The following ZSCAN18 variants were observed in gnomAD, a reference collection of about 807,000 sequenced individuals.
The protein encoded by ZSCAN18 is zinc finger and SCAN domain containing 18.
ZSCAN18 carries 16 observed loss-of-function variants against 31.1 expected under a neutral mutation model. The ratio of observed to expected loss-of-function variants is 0.51; its 90% CI spans 0.35 to 0.78. The LOEUF (loss-of-function observed/expected upper bound fraction) is 0.78. ZSCAN18 is among the 30% of genes least tolerant of loss of function. The pLI, the probability that ZSCAN18 is intolerant of heterozygous loss-of-function variation, is 0.01. For missense variants in ZSCAN18, 731 were observed against 697.4 expected (o/e 1.05, Z -0.54); for synonymous variants, 375 against 320.7 (o/e 1.17, Z -1.81).
At chr19:58,099,964 G>GTTTTTTTTTT (rs55769261), upstream of ZSCAN18, among the ~76,000 whole-genome samples, 3 of 136,114 alleles carry the variant, frequency 2.2e-5, 1 homozygote, top group Non-Finnish European at 3.1e-5. Flanking sequence ...TGAAAGCTAT[G>GTTTTTTTTTT]TTTTTTTTTT....
At chr19:58,107,760 G>A in intron 1 of ZSCAN18, 1 of 991,296 alleles carries the variant, frequency 1.0e-6, no homozygotes, top group Non-Finnish European at 1.2e-6. Context: ...AATCCCCATA[G>A]GTCTCAGTCC....
intron 2 of ZSCAN18, among the ~76,000 whole-genome samples, chr19:58,089,427 A>G (rs968231662): frequency 6.6e-6 from 1 of 150,666 alleles, no homozygotes; most frequent in African/African-American, 2.4e-5. Flanking sequence ...GGAGATTGAT[A>G]CCATCCTGGC....
intron 1 of ZSCAN18, among the ~76,000 whole-genome samples, chr19:58,110,357 C>T (rs2074671567): frequency 6.6e-6 from 1 of 152,134 alleles, no homozygotes; most frequent in Non-Finnish European, 1.5e-5. Flanking sequence ...CCCACTCGGC[C>T]CCTCTGAATC....
chr19:58,087,524 C>A, intron 3 of ZSCAN18, 120 bp from the exon 4 acceptor site: 2 of 846,260 alleles, frequency 2.4e-6, no homozygotes, highest in Non-Finnish European at 1.8e-6. Flanking sequence ...GACAGCAGCA[C>A]CCAAGGCTCA....
At chr19:58,086,641 G>A in intron 5 of ZSCAN18, 1 of 504,054 alleles carries the variant, frequency 2.0e-6, no homozygotes, top group Non-Finnish European at 3.5e-6. Flanking sequence ...CAAGGAGGGT[G>A]GCAATGTGGG....
upstream of ZSCAN18, among the ~76,000 whole-genome samples, chr19:58,100,107 C>T (rs150380194): frequency 4.6e-5 from 7 of 150,694 alleles, no homozygotes; most frequent in Non-Finnish European, 1.0e-4. Context: ...TACAGGTGTG[C>T]GCTACCATAC....
chr19:58,089,959 A>G lies in ZSCAN18; in HGVS notation c.309T>C (p.Asp103=). ...VLEQFLGILP[D]KVRPWVVAQY... ...GTGCCACCACCCAGGGCCGGACCTT[A>G]TCAGGCAGGATGCCCAGGAACTGCT... Residue 103 remains aspartate, a synonymous_variant, in exon 2 of 7, where the codon GAT becomes GAC. Coordinates refer to ENST00000601144, the MANE Select transcript of ZSCAN18 (RefSeq NM_001145543.2). 6.2e-7 allele frequency: 1 copy of G among 1,614,150 alleles called. No individual in the cohort carries two copies. Among genetic ancestry groups the G allele is most frequent in the Non-Finnish European group, 8.5e-7 (1 of 1,180,022 alleles).
At chr19:58,100,695 C>T (rs1048169298), upstream of ZSCAN18, among the ~76,000 whole-genome samples, 8 of 44,828 alleles carry the variant, frequency 1.8e-4, no homozygotes, top group Non-Finnish European at 6.9e-4. Flanking sequence ...ATCACGAGGT[C>T]AACATGGTGA....
intron 1 of ZSCAN18, chr19:58,093,485 G>A (rs1021945903): frequency 3.9e-5 from 6 of 152,274 alleles, no homozygotes; most frequent in East Asian, 1.9e-4. Flanking sequence ...AGCCCCCACC[G>A]GGGTGCCCTC....
chr19:58,096,816 A>G (rs2074527483), intron 1 of ZSCAN18, among the ~76,000 whole-genome samples: 1 of 152,202 alleles, frequency 6.6e-6, no homozygotes, highest in Non-Finnish European at 1.5e-5. Context: ...CATTATAAAA[A>G]GGGGTAAAAG....
upstream of ZSCAN18, among the ~76,000 whole-genome samples, chr19:58,100,179 C>T (rs761064014): frequency 6.6e-6 from 1 of 151,774 alleles, no homozygotes. Context: ...GGTCTCAGAC[C>T]CCCGGGCTCA....
chr19:58,086,787 C>CA, intron 5 of ZSCAN18, 119 bp downstream of exon 5: 1 of 714,020 alleles, frequency 1.4e-6, no homozygotes, highest in East Asian at 2.7e-5. Context: ...CGTGCAAGTT[C>CA]AAATCCTGTA....
chr19:58,100,472 GA>G (rs1375568441), upstream of ZSCAN18, among the ~76,000 whole-genome samples: 3 of 152,268 alleles, frequency 2.0e-5, no homozygotes, highest in East Asian at 3.9e-4. Context: ...CCATCCTGAA[GA>G]TATCTATGGG....
chr19:58,084,680 G>C lies in ZSCAN18; in HGVS notation c.*5C>G. ...GGCCCCTCCGGAACGGGACAGCACA[G>C]CGGCTCACCTCTGCGCCTCTGGGGG... On this transcript the variant is annotated 3_prime_UTR_variant, in exon 7 of 7. Transcript: ENST00000601144. The surrounding 1 kb of genome is among the most constrained non-coding windows in gnomAD (Gnocchi z 4.5). 1.3e-6 allele frequency: 2 copies of C among 1,486,660 alleles called. No individual in the cohort carries two copies. The highest frequency in any genetic ancestry group is 1.8e-6 in the Non-Finnish European group (2 of 1,128,370). 92.1% of individuals were successfully genotyped at this position (1,486,660 alleles called of 1,614,324 possible). A position where few individuals can be genotyped will look rare whatever the true frequency, so the allele number is the denominator to read the frequency against.
At chr19:58,102,753 C>T (rs2074605568), upstream of ZSCAN18, among the ~76,000 whole-genome samples, 1 of 148,814 alleles carries the variant, frequency 6.7e-6, no homozygotes, top group African/African-American at 2.4e-5. Flanking sequence ...TCTCACTAGT[C>T]ATTCAATTCC....
rs774829306 is a variant in ZSCAN18 at position 58,088,786 on chromosome 19, A to T, written c.455T>A (p.Val152Glu). Residue 152 changes from valine (V) to glutamate (E), a missense_variant, in exon 3 of 7, where the codon GTG becomes GAG. Physicochemically the swap from Val to Glu is moderately radical, Grantham distance 121. Around this residue, in one of 4 missense-constraint regions of ZSCAN18, gnomAD observed 597 missense variants for 499.5 expected, o/e 1.20. Coordinates refer to ENST00000601144, the MANE Select transcript of ZSCAN18 (RefSeq NM_001145543.2). ...AGSSSILSDG[V>E]YERHMDPLLL... is the part of the protein sequence containing the mutation. Reference sequence around the variant, plus strand: ...CAGAGGGTCCATGTGCCTCTCGTACACTCCATCGCTAAGAATTGAGGATGA... The same window carrying T: ...CAGAGGGTCCATGTGCCTCTCGTACTCTCCATCGCTAAGAATTGAGGATGA... 6.2e-7 allele frequency: 1 copy of T among 1,612,372 alleles called. No individual in the cohort carries two copies. The highest frequency in any genetic ancestry group is 1.7e-5 in the Admixed American group (1 of 60,002).
chr19:58,105,836 G>A (rs2375233), intron 1 of ZSCAN18, among the ~76,000 whole-genome samples: 107,187 of 151,592 alleles, frequency 0.71, 40,123 homozygotes, highest in Non-Finnish European at 0.84. Flanking sequence ...AAAATTAGCC[G>A]GCCATAGTGG....
intron 2 of ZSCAN18, among the ~76,000 whole-genome samples, chr19:58,089,311 A>C (rs1295509956): frequency 2.6e-5 from 2 of 78,080 alleles, no homozygotes; most frequent in Admixed American, 1.2e-4. Flanking sequence ...TCAAAAAAAA[A>C]AAAAAAAAAA....
intron 1 of ZSCAN18, among the ~76,000 whole-genome samples, chr19:58,093,998 CAA>C (rs1371433060): frequency 6.6e-6 from 1 of 151,902 alleles, no homozygotes; most frequent in African/African-American, 2.4e-5. Flanking sequence ...CTGCTGACCT[CAA>C]GTGATCCACC....
Sources: gnomAD v4.1 joint callset for allele counts (sites outside exome capture counted in the v4.1 genomes callset) on GRCh38, gnomAD v4.1.1 for gene constraint, gnomAD v4.1.1 regional missense constraint, Gnocchi (gnomAD v3.1) non-coding constraint, MANE v1.5 for transcripts, NCBI Gene and HGNC (gene_info 2026-07-23, HGNC 2026-07-21) for gene names.